Variants in BACH2 observed in about 807,000 individuals in gnomAD.
BACH2 encodes transcription regulator protein BACH2.
A neutral mutation model predicts 61.8 loss-of-function variants in BACH2; 5 were observed. The ratio of observed to expected loss-of-function variants is 0.08; its 90% CI spans 0.04 to 0.17. The LOEUF (loss-of-function observed/expected upper bound fraction) is 0.17. BACH2 is among the 10% of genes least tolerant of loss of function. The pLI, the probability that BACH2 is intolerant of heterozygous loss-of-function variation, is 1.00. For missense variants in BACH2, 824 were observed against 1,091.1 expected, an observed-to-expected ratio of 0.76 and a Z score of 3.45; for synonymous variants, 446 against 440.1, an observed-to-expected ratio of 1.01 and a Z score of -0.17.
intron 4 of BACH2, among the ~76,000 whole-genome samples, chr6:90,149,818 T>C (rs776485494): frequency 6.6e-6 from 1 of 152,224 alleles, no homozygotes; most frequent in Non-Finnish European, 1.5e-5. Context: ...GTCCTTGAAC[T>C]GCCAGAAGTC....
intron 6 of BACH2, among the ~76,000 whole-genome samples, chr6:90,003,711 C>T (rs1428973433): frequency 6.6e-6 from 1 of 152,152 alleles, no homozygotes; most frequent in East Asian, 1.9e-4. Flanking sequence ...TGTGGTTTTC[C>T]CAGCCCCTCA....
intron 2 of BACH2, among the ~76,000 whole-genome samples, chr6:90,269,041 G>A (rs1771435565): frequency 1.3e-5 from 2 of 152,024 alleles, no homozygotes; most frequent in Admixed American, 1.3e-4. Context: ...CAGCTACCCA[G>A]AGTTCAGCCA....
At chr6:90,208,803 C>CA (rs1272720464) in intron 3 of BACH2, among the ~76,000 whole-genome samples, 1 of 152,074 alleles carries the variant, frequency 6.6e-6, no homozygotes, top group Non-Finnish European at 1.5e-5. Context: ...AGAACCAACC[C>CA]AAATGCCCAT....
chr6:90,071,927 C>G lies in BACH2; in HGVS notation c.-13+17034G>C, dbSNP rs140859288. Among the ~76,000 whole-genome samples, 41 of 152,138 alleles carry G rather than the reference C, an allele frequency of 2.7e-4. 1 individual carries two copies. The South Asian group carries it at 7.9e-3, about 29-fold the overall frequency. On this transcript the variant is annotated intron_variant, in intron 5 of 8. Coordinates refer to ENST00000257749, the MANE Select transcript of BACH2 (RefSeq NM_021813.4). ...ATCATCATAAAGGGCTTCATCCTCA[C>G]GGTATTCACATTGAGCAGACTGAGG... is the stretch of plus-strand genomic sequence containing the variant.
intron 4 of BACH2, among the ~76,000 whole-genome samples, chr6:90,127,835 G>GA (rs1451550714): frequency 6.6e-6 from 1 of 152,198 alleles, no homozygotes; most frequent in African/African-American, 2.4e-5. Context: ...CACGGGACTT[G>GA]AAAAATGAAG....
At chr6:89,948,293 T>C (rs1458848135) in intron 7 of BACH2, among the ~76,000 whole-genome samples, 2 of 152,084 alleles carry the variant, frequency 1.3e-5, no homozygotes, top group Admixed American at 6.6e-5. Flanking sequence ...TGCAACCTCC[T>C]TCTCCTGGGC....
In BACH2 at chr6:90,240,392, A is replaced by T. The variant is rs1432690578; in HGVS notation, c.-275+12121T>A. 3.9e-5 allele frequency among the ~76,000 whole-genome samples: 6 copies of T among 152,336 alleles called. No homozygotes were observed. The East Asian group carries it at 1.2e-3, about 29-fold the overall frequency. On this transcript the variant is annotated intron_variant, in intron 3 of 8. Coordinates refer to ENST00000257749, the MANE Select transcript of BACH2 (RefSeq NM_021813.4). ...CTCAAAAATTTTAACTTAAATATGA[A>T]TTTTAATATAATTTATGTGAAAATG... is the stretch of plus-strand genomic sequence containing the variant.
rs187665034 is a variant in BACH2, at chr6:90,287,805, T to C, written c.-446+8675A>G. Among the ~76,000 whole-genome samples the C allele has an allele frequency of 2.0e-4, 31 of 152,354 alleles. No homozygotes were observed. In the East Asian group the frequency reaches 6.0e-3, roughly 29 times the overall value. On this transcript the variant is annotated intron_variant, in intron 1 of 8. Transcript: ENST00000257749. ...TTGGCTTTGTCTCCTATTAACATGC[T>C]GATGCTTCAGAAAAGTAACACATTA...
At chr6:90,265,912 A>T (rs1449442346) in intron 2 of BACH2, among the ~76,000 whole-genome samples, 1 of 152,228 alleles carries the variant, frequency 6.6e-6, no homozygotes, top group African/African-American at 2.4e-5. Flanking sequence ...TCTATACATT[A>T]TCCCATGTAA....
intron 6 of BACH2, among the ~76,000 whole-genome samples, chr6:89,970,557 T>C (rs759770111): frequency 1.1e-4 from 16 of 152,244 alleles, no homozygotes; most frequent in Non-Finnish European, 2.4e-4. Flanking sequence ...TTTATTATAA[T>C]GTTTGTGTGT....
intron 6 of BACH2, among the ~76,000 whole-genome samples, chr6:89,969,364 T>A (rs1248183735): frequency 1.3e-5 from 2 of 152,076 alleles, no homozygotes; most frequent in African/African-American, 4.8e-5. Context: ...AAAAATGTAG[T>A]CTTAAGAAGG....
chr6:90,275,279 C>A (rs368333408), intron 1 of BACH2, among the ~76,000 whole-genome samples: 1 of 152,166 alleles, frequency 6.6e-6, no homozygotes, highest in Non-Finnish European at 1.5e-5. Context: ...AATTAAAATG[C>A]ACCTGCACTG....
chr6:90,093,606 T>C (rs554151199), intron 4 of BACH2, among the ~76,000 whole-genome samples: 5 of 152,342 alleles, frequency 3.3e-5, no homozygotes, highest in Admixed American at 6.5e-5. Context: ...GGTTAGCTGA[T>C]TGGACAGTGC....
chr6:90,137,759 C>T (rs1178153446), intron 4 of BACH2, among the ~76,000 whole-genome samples: 1 of 152,140 alleles, frequency 6.6e-6, no homozygotes, highest in Non-Finnish European at 1.5e-5. Context: ...TTCTCTGGTG[C>T]TCTCCCCAAC....
chr6:90,043,607 A>G (rs991197231), intron 5 of BACH2, among the ~76,000 whole-genome samples: 13 of 151,648 alleles, frequency 8.6e-5, no homozygotes, highest in Non-Finnish European at 1.3e-4. Flanking sequence ...AAACTAAGAC[A>G]CTCATCTCAT....
rs77567486 is a variant in BACH2 at position 90,044,394 on chromosome 6, C to T, written c.-12-35538G>A. On this transcript the variant is annotated intron_variant, in intron 5 of 8. Transcript: ENST00000257749. ...CTTGATGCTCTGATGACTCAAAAGG[C>T]CAGAGTGCATGGAGGATAGTGGCCA... is the stretch of plus-strand genomic sequence containing the variant. Among the ~76,000 whole-genome samples the T allele has an allele frequency of 1.0e-2, 1,515 of 152,190 alleles. 26 individuals are homozygous for T. The highest frequency in any genetic ancestry group is 0.034 in the African/African-American group (1,418 of 41,522).
chr6:90,251,357 G>A (rs1273101970), intron 3 of BACH2, among the ~76,000 whole-genome samples: 1 of 152,172 alleles, frequency 6.6e-6, no homozygotes, highest in African/African-American at 2.4e-5. Context: ...TCAGGGTGGT[G>A]TGGCCATAGA....
chr6:90,183,405 C>T (rs1349668102), intron 4 of BACH2, among the ~76,000 whole-genome samples: 1 of 152,206 alleles, frequency 6.6e-6, no homozygotes, highest in Non-Finnish European at 1.5e-5. Context: ...TAGGTTCCTG[C>T]TGTGAGAAGT....
chr6:90,072,542 C>G (rs1193389630), intron 5 of BACH2, among the ~76,000 whole-genome samples: 1 of 152,214 alleles, frequency 6.6e-6, no homozygotes, highest in African/African-American at 2.4e-5. Context: ...AGAGCCTCAC[C>G]TTTGCAGGTC....
Sources: gnomAD v4.1 joint callset for allele counts (sites outside exome capture counted in the v4.1 genomes callset) on GRCh38, gnomAD v4.1.1 for gene constraint, MANE v1.5 for transcripts, NCBI Gene and HGNC (gene_info 2026-07-23, HGNC 2026-07-21) for gene names.